The following LPP variants were observed in gnomAD, a reference collection of about 807,000 sequenced individuals.
LPP encodes the protein lipoma-preferred partner.
In LPP, 38 loss-of-function variants were observed where a neutral mutation model predicts 60.4. That is an observed-to-expected ratio of 0.63 (90% CI 0.49 to 0.83). LPP has a LOEUF of 0.83. LPP is among the 40% of genes least tolerant of loss of function. The pLI is 0.00. For synonymous variants in LPP, 328 were observed against 290.8 expected (o/e 1.13, Z -1.30); for missense variants, 902 against 783.6 (o/e 1.15, Z -1.80).
intron 2 of LPP, among the ~76,000 whole-genome samples, chr3:188,284,038 AAC>A (rs1345858444): frequency 1.2e-4 from 18 of 152,132 alleles, no homozygotes; most frequent in Non-Finnish European, 1.8e-4. Flanking sequence ...AAGCTCTGGA[AAC>A]ATCCTCCACC....
chr3:188,657,258 G>GTGTATATATATATATATATATATATA (rs1553782707), intron 7 of LPP, among the ~76,000 whole-genome samples: 19 of 89,834 alleles, frequency 2.1e-4, no homozygotes, highest in South Asian at 4.6e-4. Context: ...CTGTCAAGGT[G>GTGTATATATATATATATATATATATA]TATATATATA....
At chr3:188,380,170 T>C (rs1376495703) in intron 3 of LPP, among the ~76,000 whole-genome samples, 5 of 152,226 alleles carry the variant, frequency 3.3e-5, no homozygotes, top group Non-Finnish European at 5.9e-5. Context: ...TGCCTCTTAC[T>C]TTTTATGTTT....
intron 9 of LPP, among the ~76,000 whole-genome samples, chr3:188,768,901 G>T (rs542417514): frequency 6.6e-6 from 1 of 152,128 alleles, no homozygotes; most frequent in Non-Finnish European, 1.5e-5. Flanking sequence ...TCTATTATTT[G>T]TATTAGTGGG....
chr3:188,793,186 T>C (rs761568915), intron 9 of LPP, among the ~76,000 whole-genome samples: 1 of 15,714 alleles, frequency 6.4e-5, no homozygotes, highest in African/African-American at 2.4e-4. Flanking sequence ...CATTTATCCT[T>C]TTTTTTTTTT....
At chr3:188,659,729 C>T (rs996612443) in intron 7 of LPP, among the ~76,000 whole-genome samples, 4 of 151,766 alleles carry the variant, frequency 2.6e-5, no homozygotes, top group African/African-American at 7.3e-5. Context: ...CTCATGGAAC[C>T]CATTGTGCAT....
rs77980316 is a variant in LPP at position 188,401,746 on chromosome 3, G to A, written c.-9-4366G>A. Among the ~76,000 whole-genome samples, 141 of 152,248 alleles carry A rather than the reference G, an allele frequency of 9.3e-4. 1 individual carries two copies. In the East Asian group the frequency reaches 0.025, roughly 27 times the overall value. On this transcript the variant is annotated intron_variant, in intron 3 of 11. Coordinates refer to ENST00000617246, the MANE Select transcript of LPP (RefSeq NM_001375462.1). ...AATATTTCCACTCTCAAGGATTTGCGAGTTTAGTTTGGGGAACAGGAAAGC... is the reference window on the plus strand; with the variant it reads ...AATATTTCCACTCTCAAGGATTTGCAAGTTTAGTTTGGGGAACAGGAAAGC...
chr3:188,524,863 C>T lies in LPP; in HGVS notation c.429+76C>T, dbSNP rs995559651. On this transcript the variant is annotated intron_variant, in intron 6 of 11. Transcript: ENST00000617246. ...TCTTATCAGAAAGAACATGCTGCAC[C>T]TGAGAGCTTATTTCCCCTTCCTTCC... 7 of 1,447,546 alleles carry T rather than the reference C, an allele frequency of 4.8e-6. No individual in the cohort carries two copies. The Admixed American group carries it at 1.6e-4, about 33-fold the overall frequency. The allele number at this position is 1,447,546 out of a possible 1,614,324, so 89.7% of individuals were successfully genotyped here.
chr3:188,569,692 A>T (rs762752802), intron 6 of LPP, among the ~76,000 whole-genome samples: 8 of 151,990 alleles, frequency 5.3e-5, no homozygotes, highest in Non-Finnish European at 1.0e-4. Context: ...TAACTCATCG[A>T]GGCACTAAGT....
intron 2 of LPP, among the ~76,000 whole-genome samples, chr3:188,282,660 C>T (rs891973051): frequency 2.6e-5 from 4 of 152,116 alleles, no homozygotes; most frequent in African/African-American, 7.2e-5. Flanking sequence ...CCCTGCCTCT[C>T]CACCCCATGT....
chr3:188,501,832 G>T (rs371814173), intron 5 of LPP, among the ~76,000 whole-genome samples: 1 of 151,758 alleles, frequency 6.6e-6, no homozygotes, highest in Non-Finnish European at 1.5e-5. Context: ...CAGGAGAATC[G>T]CTTGAACCCA....
At chr3:188,433,894 CAA>C (rs1484701557) in intron 4 of LPP, among the ~76,000 whole-genome samples, 1 of 151,922 alleles carries the variant, frequency 6.6e-6, no homozygotes, top group Non-Finnish European at 1.5e-5. Flanking sequence ...GAGAAAGAGG[CAA>C]AGAGTGGGTG....
intron 2 of LPP, among the ~76,000 whole-genome samples, chr3:188,322,083 A>G (rs1375477348): frequency 2.0e-5 from 3 of 152,196 alleles, no homozygotes; most frequent in Admixed American, 2.0e-4. Context: ...ACATATACGA[A>G]TCCCCATCTT....
At chr3:188,710,261 TGGC>T (rs1485884635) in intron 8 of LPP, 4 of 152,140 alleles carry the variant, frequency 2.6e-5, no homozygotes, top group Non-Finnish European at 5.9e-5. Context: ...TGTGTTGGGG[TGGC>T]AGTTTAGCTT....
intron 7 of LPP, among the ~76,000 whole-genome samples, chr3:188,639,958 G>C (rs1285433131): frequency 6.6e-6 from 1 of 152,078 alleles, no homozygotes; most frequent in Admixed American, 6.6e-5. Context: ...AAGTCAGTGT[G>C]GCAATACCTC....
At position 188,877,241 on chromosome 3, in the gene LPP, T is replaced by A. The variant is rs1386470333; in HGVS notation, c.*2762T>A. The A allele has an allele frequency of 5.7e-6, 1 of 176,614 alleles. No individual in the cohort carries two copies. The highest frequency in any genetic ancestry group is 9.6e-5 in the East Asian group (1 of 10,424). 10.9% of individuals were successfully genotyped at this position (176,614 alleles called of 1,614,324 possible). On this transcript the variant is annotated 3_prime_UTR_variant, in exon 12 of 12. Coordinates refer to ENST00000617246, the MANE Select transcript of LPP (RefSeq NM_001375462.1). ...TTGCCTGCAACAGAGAGAAAAAGAT[T>A]GTATTACTTTAATGATTATAATCAT... is the stretch of plus-strand genomic sequence containing the variant.
chr3:188,700,699 A>G (rs1864227041), intron 7 of LPP, among the ~76,000 whole-genome samples: 1 of 152,216 alleles, frequency 6.6e-6, no homozygotes, highest in Admixed American at 6.5e-5. Flanking sequence ...AGAATGCTGA[A>G]TGAAGTTCTG....
At chr3:188,815,924 A>G (rs932504995) in intron 9 of LPP, among the ~76,000 whole-genome samples, 1 of 152,226 alleles carries the variant, frequency 6.6e-6, no homozygotes, top group Non-Finnish European at 1.5e-5. Flanking sequence ...GTATCAACAA[A>G]TCACTTATTT....
At chr3:188,243,804 A>T (rs1355255185) in intron 2 of LPP, among the ~76,000 whole-genome samples, 1 of 152,108 alleles carries the variant, frequency 6.6e-6, no homozygotes, top group South Asian at 2.1e-4. Context: ...GAGGAGGCTA[A>T]CTAGAAAGTT....
intron 9 of LPP, among the ~76,000 whole-genome samples, chr3:188,843,492 A>T (rs917264289): frequency 1.3e-5 from 2 of 152,088 alleles, no homozygotes; most frequent in Non-Finnish European, 2.9e-5. Flanking sequence ...GGTCCCTTAA[A>T]AATCCCTCCT....
Sources: gnomAD v4.1 joint callset for allele counts (sites outside exome capture counted in the v4.1 genomes callset) on GRCh38, gnomAD v4.1.1 for gene constraint, MANE v1.5 for transcripts, NCBI Gene and HGNC (gene_info 2026-07-23, HGNC 2026-07-21) for gene names.